Variants in ARB2A observed in about 807,000 individuals in gnomAD.
ARB2A encodes the protein ARB2 cotranscriptional regulator A.
the ARB2A span, among the ~76,000 whole-genome samples, chr5:94,054,891 G>T: frequency 6.6e-6 from 1 of 152,060 alleles, no homozygotes; most frequent in Non-Finnish European, 1.5e-5. Context: ...TCCTCAAATT[G>T]TTCCAGCCAT....
the ARB2A span, among the ~76,000 whole-genome samples, chr5:93,767,236 A>G: frequency 6.6e-6 from 1 of 152,180 alleles, no homozygotes; most frequent in Non-Finnish European, 1.5e-5. Flanking sequence ...TGAATAGACA[A>G]TTCTCAAAAG....
the ARB2A span, among the ~76,000 whole-genome samples, chr5:93,943,488 C>A: frequency 6.6e-6 from 1 of 152,094 alleles, no homozygotes; most frequent in African/African-American, 2.4e-5. Context: ...GTTTAGACTA[C>A]ATAAATATTA....
chr5:93,857,879 G>A, the ARB2A span, among the ~76,000 whole-genome samples: 25 of 152,058 alleles, frequency 1.6e-4, 1 homozygote, highest in Admixed American at 2.6e-4. Context: ...CTTCTGCGTC[G>A]CTCATGCTGG....
the ARB2A span, among the ~76,000 whole-genome samples, chr5:93,623,355 A>C: frequency 6.6e-6 from 1 of 152,102 alleles, no homozygotes; most frequent in South Asian, 2.1e-4. Context: ...ACTTACACCT[A>C]CTAGTGTTAC....
chr5:93,750,915 G>T, the ARB2A span, among the ~76,000 whole-genome samples: 1 of 152,100 alleles, frequency 6.6e-6, no homozygotes, highest in Non-Finnish European at 1.5e-5. Flanking sequence ...AATATTGACA[G>T]AAGACTAAAT....
chr5:93,852,897 C>T, the ARB2A span, among the ~76,000 whole-genome samples: 2 of 152,180 alleles, frequency 1.3e-5, no homozygotes, highest in South Asian at 4.2e-4. Context: ...GTGATGCCTC[C>T]CTCTTTGTTC....
the ARB2A span, among the ~76,000 whole-genome samples, chr5:94,067,226 C>T: frequency 6.6e-6 from 1 of 152,246 alleles, no homozygotes; most frequent in South Asian, 2.1e-4. Flanking sequence ...AAACTCACAA[C>T]AAACATCATA....
chr5:94,028,755 T>G, the ARB2A span, among the ~76,000 whole-genome samples: 3 of 152,128 alleles, frequency 2.0e-5, no homozygotes, highest in Admixed American at 6.6e-5. Context: ...TTCTGTGGGG[T>G]TTTTTTCTCT....
chr5:93,747,790 C>T, the ARB2A span, among the ~76,000 whole-genome samples: 1 of 152,094 alleles, frequency 6.6e-6, no homozygotes, highest in Non-Finnish European at 1.5e-5. Flanking sequence ...CTTCTGAAAG[C>T]CTCAGAACTC....
chr5:93,868,301 C>T, the ARB2A span, among the ~76,000 whole-genome samples: 2 of 152,136 alleles, frequency 1.3e-5, no homozygotes, highest in Non-Finnish European at 2.9e-5. Context: ...GCCTGGGTGA[C>T]AGGATGGGAC....
chr5:93,924,576 T>C, the ARB2A span, among the ~76,000 whole-genome samples: 1 of 152,060 alleles, frequency 6.6e-6, no homozygotes, highest in Non-Finnish European at 1.5e-5. Flanking sequence ...CATTTGCCAA[T>C]ATATATTACC....
the ARB2A span, among the ~76,000 whole-genome samples, chr5:93,793,663 G>T: frequency 6.6e-6 from 1 of 152,114 alleles, no homozygotes; most frequent in African/African-American, 2.4e-5. Context: ...GTAATGTCTG[G>T]TTTCATGTAT....
chr5:93,719,155 TA>T, the ARB2A span, among the ~76,000 whole-genome samples: 1 of 152,226 alleles, frequency 6.6e-6, no homozygotes, highest in Non-Finnish European at 1.5e-5. Context: ...ATAACTTTTA[TA>T]TTCCTTAAAA....
At chr5:93,966,551 G>A in the ARB2A span, among the ~76,000 whole-genome samples, 1 of 152,088 alleles carries the variant, frequency 6.6e-6, no homozygotes, top group Non-Finnish European at 1.5e-5. Flanking sequence ...TATATATCAA[G>A]TAAGAGTTGG....
At chr5:93,908,630 C>G in the ARB2A span, among the ~76,000 whole-genome samples, 1 of 150,634 alleles carries the variant, frequency 6.6e-6, no homozygotes, top group Non-Finnish European at 1.5e-5. Context: ...ATAATACTCA[C>G]GTTAACTTTA....
At chr5:93,626,269 A>G in the ARB2A span, among the ~76,000 whole-genome samples, 2 of 152,226 alleles carry the variant, frequency 1.3e-5, no homozygotes, top group African/African-American at 2.4e-5. Context: ...CATTCTTCAA[A>G]TGATATCACA....
the ARB2A span, among the ~76,000 whole-genome samples, chr5:93,898,038 G>A: frequency 1.3e-5 from 2 of 151,812 alleles, no homozygotes; most frequent in Non-Finnish European, 2.9e-5. Context: ...GGAAGCTTCC[G>A]TGATCTGAAA....
At chr5:93,883,335 T>C in the ARB2A span, among the ~76,000 whole-genome samples, 2 of 151,642 alleles carry the variant, frequency 1.3e-5, no homozygotes, top group Non-Finnish European at 3.0e-5. Flanking sequence ...TTTAGAATAA[T>C]GCTTCTTTCA....
the ARB2A span, among the ~76,000 whole-genome samples, chr5:93,650,156 A>AG: frequency 1.4e-5 from 2 of 140,546 alleles, no homozygotes; most frequent in Admixed American, 1.4e-4. Context: ...CATATCAAGA[A>AG]GGAAAAAAAA....
Sources: gnomAD v4.1 joint callset for allele counts (sites outside exome capture counted in the v4.1 genomes callset) on GRCh38, gnomAD v4.1.1 for gene constraint, MANE v1.5 for transcripts, NCBI Gene and HGNC (gene_info 2026-07-23, HGNC 2026-07-21) for gene names.